Variants in ZNF366 observed in about 807,000 individuals in gnomAD.
ZNF366 encodes zinc finger protein 366, also known as dendritic cell-specific transcript protein.
In ZNF366, 20 loss-of-function variants were observed where a neutral mutation model predicts 47.2. That is an observed-to-expected ratio of 0.42 (90% CI 0.30 to 0.62). ZNF366 has a LOEUF of 0.62. Ranked by LOEUF, ZNF366 falls within the 20% of genes least tolerant of loss-of-function variation. The pLI is 0.16. For missense variants in ZNF366, 987 were observed against 976.3 expected, an observed-to-expected ratio of 1.01 and a Z score of -0.15; for synonymous variants, 421 against 395.1, an observed-to-expected ratio of 1.07 and a Z score of -0.78.
rs144490986 is a variant in ZNF366, at chr5:72,447,261, G to A, written c.1681C>T (p.Arg561Trp). ...HMKVKHGVME[R>W]GLHSQGLGRG... is the part of the protein sequence containing the mutation. ...TGATTACCTTGGGAATGAAGGCCCCGCTCCATGACTCCATGCTTGACTTTC... is the reference window on the plus strand; with the variant it reads ...TGATTACCTTGGGAATGAAGGCCCCACTCCATGACTCCATGCTTGACTTTC... Residue 561 changes from arginine (R) to tryptophan (W), a missense_variant, in exon 4 of 5, where the codon CGG (arginine) becomes TGG (tryptophan). This residue lies in a region of ZNF366 where 285 missense variants were observed against 234.8 expected (regional missense o/e 1.21). Coordinates refer to ENST00000318442, the MANE Select transcript of ZNF366 (RefSeq NM_152625.3). 25 of 1,614,040 alleles carry A rather than the reference G, an allele frequency of 1.5e-5. No individual in the cohort carries two copies. In the East Asian group the frequency reaches 1.8e-4, roughly 12 times the overall value.
At chr5:72,455,455 G>A (rs1241950177) in intron 3 of ZNF366, among the ~76,000 whole-genome samples, 2 of 152,154 alleles carry the variant, frequency 1.3e-5, no homozygotes, top group Admixed American at 6.5e-5. Flanking sequence ...GGGCTGTAAC[G>A]ATATCTGAAT....
At chr5:72,495,943 A>G (rs1744103926) in intron 1 of ZNF366, among the ~76,000 whole-genome samples, 1 of 152,032 alleles carries the variant, frequency 6.6e-6, no homozygotes, top group South Asian at 2.1e-4. Context: ...AGTCTATTGT[A>G]TCTTTCTGGA....
intron 1 of ZNF366, among the ~76,000 whole-genome samples, chr5:72,501,869 A>G (rs1179834094): frequency 1.3e-5 from 2 of 152,236 alleles, no homozygotes; most frequent in Non-Finnish European, 2.9e-5. Flanking sequence ...TTAATTTCCC[A>G]TGAACAAATG....
intron 2 of ZNF366, among the ~76,000 whole-genome samples, chr5:72,458,237 C>T (rs1031577585): frequency 5.9e-5 from 9 of 151,850 alleles, no homozygotes; most frequent in Non-Finnish European, 1.2e-4. Flanking sequence ...AGGATGGTCT[C>T]GATCTCCTGA....
chr5:72,491,728 T>C (rs1432720621), intron 1 of ZNF366, among the ~76,000 whole-genome samples: 1 of 152,256 alleles, frequency 6.6e-6, no homozygotes, highest in Non-Finnish European at 1.5e-5. Flanking sequence ...ATTCTCATGG[T>C]TCTACAGAGA....
chr5:72,488,090 C>A (rs1403315436), intron 1 of ZNF366, among the ~76,000 whole-genome samples: 2 of 151,996 alleles, frequency 1.3e-5, no homozygotes, highest in Non-Finnish European at 1.5e-5. Flanking sequence ...CACCTATAGT[C>A]CCAGCTACTG....
intron 3 of ZNF366, among the ~76,000 whole-genome samples, chr5:72,449,243 G>A (rs1743015245): frequency 7.4e-6 from 1 of 134,562 alleles, no homozygotes; most frequent in Non-Finnish European, 1.6e-5. Flanking sequence ...CATCATGGCT[G>A]AAAGGTTTTT....
At chr5:72,494,604 G>T (rs991811374) in intron 1 of ZNF366, among the ~76,000 whole-genome samples, 14 of 145,018 alleles carry the variant, frequency 9.7e-5, no homozygotes, top group Non-Finnish European at 1.2e-4. Context: ...AGCTGTCAGA[G>T]ATTTTTTTTT....
At chr5:72,502,307 TTATGTAAATG>T (rs1408128696) in intron 1 of ZNF366, among the ~76,000 whole-genome samples, 1 of 152,212 alleles carries the variant, frequency 6.6e-6, no homozygotes, top group African/African-American at 2.4e-5. Flanking sequence ...TACCATTGTT[TTATGTAAATG>T]TATTTGGTTT....
chr5:72,450,623 C>A lies in ZNF366; in HGVS notation c.1525-3206G>T, dbSNP rs954710681. Among the ~76,000 whole-genome samples the A allele has an allele frequency of 4.6e-5, 7 of 152,262 alleles. No individual in the cohort carries two copies. The East Asian group carries it at 9.6e-4, about 21-fold the overall frequency. ...GTTTTCAAACTAAACTCCTCAGTGG[C>A]AGAAGGATAGAGCCAATTAACACAG... On this transcript the variant is annotated intron_variant, in intron 3 of 4. Transcript: ENST00000318442.
At chr5:72,492,532 G>A (rs1580253168) in intron 1 of ZNF366, among the ~76,000 whole-genome samples, 1 of 152,178 alleles carries the variant, frequency 6.6e-6, no homozygotes, top group South Asian at 2.1e-4. Flanking sequence ...CTGAAACTCA[G>A]GACAGCTCAT....
intron 4 of ZNF366, among the ~76,000 whole-genome samples, chr5:72,446,290 T>C (rs1742956903): frequency 6.6e-6 from 1 of 152,236 alleles, no homozygotes; most frequent in Non-Finnish European, 1.5e-5. Flanking sequence ...ATAATGTCCC[T>C]AAGGTGTCTC....
chr5:72,443,850 A>G lies in ZNF366; in HGVS notation c.2141T>C (p.Phe714Ser), dbSNP rs528990407. 5.0e-6 allele frequency: 8 copies of G among 1,614,154 alleles called. No homozygotes were observed. The African/African-American group carries it at 8.0e-5, about 16-fold the overall frequency. The change falls in exon 5 of 5, where the codon TTT (phenylalanine) becomes TCT (serine). Residue 714 changes from phenylalanine to serine, a missense_variant. By Grantham distance (155) the Phe-to-Ser change is radical. This residue lies in a region of ZNF366 where 285 missense variants were observed against 234.8 expected (regional missense o/e 1.21). Coordinates refer to ENST00000318442, the MANE Select transcript of ZNF366 (RefSeq NM_152625.3). ...AFQSTRRGPS[F>S]SDYLYFKHRD... Reference sequence around the variant, plus strand: ...GTGCTTGAAGTATAAGTAATCAGAAAAAGAGGGGCCCCGCCGGGTACTCTG... The same window carrying G: ...GTGCTTGAAGTATAAGTAATCAGAAGAAGAGGGGCCCCGCCGGGTACTCTG...
rs1742908186 is a variant in ZNF366, at chr5:72,444,005, G to A, written c.1986C>T (p.Ala662=). 3 of 1,613,970 alleles carry A rather than the reference G, an allele frequency of 1.9e-6. No individual in the cohort carries two copies. Among genetic ancestry groups the A allele is most frequent in the African/African-American group, 1.3e-5 (1 of 74,886 alleles). The change falls in exon 5 of 5, where the codon GCC becomes GCT. Residue 662 remains alanine (A), a synonymous_variant. Transcript: ENST00000318442. ...SEHAPEVLEE[A]CKEEKEDASK... ...ATGCATCCTCCTTCTCCTCCTTGCA[G>A]GCTTCCTCCAGCACCTCGGGGGCGT...
intron 2 of ZNF366, among the ~76,000 whole-genome samples, chr5:72,458,104 C>T (rs1189024610): frequency 1.4e-4 from 21 of 149,576 alleles, no homozygotes; most frequent in African/African-American, 3.5e-4. Context: ...GCAAGCTCCG[C>T]CTCCTGGGTT....
chr5:72,446,002 CTG>C (rs1742951007), intron 4 of ZNF366, among the ~76,000 whole-genome samples: 1 of 152,222 alleles, frequency 6.6e-6, no homozygotes, highest in Admixed American at 6.5e-5. Context: ...TTGTTTCACA[CTG>C]TGTGTGCATA....
chr5:72,488,214 G>GAAAA (rs144363697), intron 1 of ZNF366, among the ~76,000 whole-genome samples: 1 of 138,816 alleles, frequency 7.2e-6, no homozygotes. Context: ...CCATCTGAAA[G>GAAAA]AAAAAAAAAA....
In ZNF366 at chr5:72,464,260, C is replaced by T. The variant is rs944290729; in HGVS notation, c.-14-2750G>A. Among the ~76,000 whole-genome samples the T allele has an allele frequency of 3.9e-5, 6 of 152,198 alleles. 1 individual carries two copies. Among genetic ancestry groups the T allele is most frequent in the Admixed American group, 2.6e-4 (4 of 15,290 alleles). On this transcript the variant is annotated intron_variant, in intron 1 of 4. Coordinates refer to ENST00000318442, the MANE Select transcript of ZNF366 (RefSeq NM_152625.3). ...TTCTTCTTAAGTACATGGCTAATGA[C>T]GTGTTGTATCTTTATACAACGTGCT...
intron 1 of ZNF366, among the ~76,000 whole-genome samples, chr5:72,506,209 A>C (rs775603828): frequency 3.9e-5 from 6 of 152,232 alleles, no homozygotes; most frequent in Non-Finnish European, 7.3e-5. Context: ...ATGCTTGGCC[A>C]TTGGCTTTTA....
Sources: gnomAD v4.1 joint callset for allele counts (sites outside exome capture counted in the v4.1 genomes callset) on GRCh38, gnomAD v4.1.1 for gene constraint, gnomAD v4.1.1 regional missense constraint, MANE v1.5 for transcripts, NCBI Gene and HGNC (gene_info 2026-07-23, HGNC 2026-07-21) for gene names.